SH3KBP1: variants seen among roughly 807,000 people sequenced by gnomAD.
SH3KBP1 encodes SH3 domain-containing kinase-binding protein 1.
SH3KBP1 carries 8 observed loss-of-function variants against 50.1 expected under a neutral mutation model. The observed-to-expected ratio is 0.16, with a 90% CI of 0.09 to 0.29. The LOEUF (loss-of-function observed/expected upper bound fraction) is 0.29. Among genes scored for constraint, SH3KBP1 ranks in the 10% least tolerant of loss-of-function variants. The pLI, the probability that SH3KBP1 is intolerant of heterozygous loss-of-function variation, is 1.00. For missense variants in SH3KBP1, 377 were observed against 535.2 expected (o/e 0.70, Z 2.92); for synonymous variants, 227 against 218.6 (o/e 1.04, Z -0.34).
intron 8 of SH3KBP1, among the ~76,000 whole-genome samples, chrX:19,619,052 G>A (rs1056080894): frequency 4.5e-5 from 5 of 110,270 alleles, no homozygotes; most frequent in Non-Finnish European, 9.5e-5. Flanking sequence ...GAGGAGGGCA[G>A]ATCACCTGAG....
intron 1 of SH3KBP1, among the ~76,000 whole-genome samples, chrX:19,863,953 G>A (rs1024808352): frequency 1.8e-5 from 2 of 111,289 alleles, no homozygotes; most frequent in African/African-American, 6.5e-5. Context: ...GGGCAGACTC[G>A]TCTATCATTT....
intron 14 of SH3KBP1, 43 bp from the exon 15 acceptor site, chrX:19,546,093 T>C (rs375852568): frequency 8.4e-7 from 1 of 1,191,453 alleles, no homozygotes. Flanking sequence ...AATTACACCT[T>C]AGCTGACACC....
intron 2 of SH3KBP1, among the ~76,000 whole-genome samples, chrX:19,792,353 A>T (rs771975968): frequency 1.8e-4 from 20 of 111,260 alleles, no homozygotes; most frequent in Non-Finnish European, 3.6e-4. Context: ...CAAAATATGA[A>T]CCATGGTTAT....
chrX:19,720,521 G>A (rs2064028056), intron 3 of SH3KBP1, among the ~76,000 whole-genome samples: 1 of 112,372 alleles, frequency 8.9e-6, no homozygotes, highest in South Asian at 3.7e-4. Context: ...TCATTCAAGT[G>A]AAATGAGAAT....
At chrX:19,813,126 G>C (rs1413446861) in intron 2 of SH3KBP1, among the ~76,000 whole-genome samples, 4 of 107,805 alleles carry the variant, frequency 3.7e-5, no homozygotes, top group Non-Finnish European at 5.7e-5. Flanking sequence ...CTGGGCAACA[G>C]AGTGAGACCC....
intron 5 of SH3KBP1, among the ~76,000 whole-genome samples, chrX:19,688,432 A>T (rs937802105): frequency 4.5e-5 from 5 of 112,274 alleles, no homozygotes; most frequent in African/African-American, 1.6e-4. Context: ...CTTAAGCATG[A>T]GGACACAGGA....
intron 6 of SH3KBP1, chrX:19,670,236 G>T: frequency 3.3e-6 from 1 of 302,613 alleles, no homozygotes; most frequent in South Asian, 1.7e-4. Context: ...TAAATGCCCC[G>T]CACTACAAAA....
At chrX:19,797,605 C>T (rs1603249976) in intron 2 of SH3KBP1, among the ~76,000 whole-genome samples, 3 of 111,604 alleles carry the variant, frequency 2.7e-5, no homozygotes, top group South Asian at 3.7e-4. Context: ...AATCATCATA[C>T]GCAAAACAAA....
At chrX:19,723,154 A>G (rs2064121310) in intron 3 of SH3KBP1, among the ~76,000 whole-genome samples, 1 of 110,327 alleles carries the variant, frequency 9.1e-6, no homozygotes, top group Non-Finnish European at 1.9e-5. Flanking sequence ...AAAAAAAAAA[A>G]AAAAAAAAAA....
intron 1 of SH3KBP1, among the ~76,000 whole-genome samples, chrX:19,880,299 A>T (rs1401043642): frequency 2.7e-5 from 3 of 112,755 alleles, no homozygotes; most frequent in African/African-American, 9.7e-5. Context: ...CTGGTGGTCC[A>T]TAGTCGTGGA....
chrX:19,609,773 C>T (rs901021674), intron 8 of SH3KBP1, among the ~76,000 whole-genome samples: 2 of 112,024 alleles, frequency 1.8e-5, no homozygotes, highest in South Asian at 7.4e-4. Flanking sequence ...CCATTATACC[C>T]CCAGCCATGT....
At chrX:19,688,434 G>A (rs181894860) in intron 5 of SH3KBP1, among the ~76,000 whole-genome samples, 1 of 112,054 alleles carries the variant, frequency 8.9e-6, no homozygotes, top group East Asian at 2.8e-4. Context: ...TAAGCATGAG[G>A]ACACAGGACT....
chrX:19,838,907 GA>G (rs2068141292), intron 1 of SH3KBP1, among the ~76,000 whole-genome samples: 2 of 92,122 alleles, frequency 2.2e-5, no homozygotes, highest in East Asian at 3.3e-4. Context: ...AAAAAAAAAA[GA>G]AAAAAAGAAA....
intron 2 of SH3KBP1, among the ~76,000 whole-genome samples, chrX:19,782,959 A>C (rs2066227150): frequency 9.0e-6 from 1 of 111,449 alleles, no homozygotes. Context: ...AAAAAACAAC[A>C]ACAAAAATCA....
intron 12 of SH3KBP1, among the ~76,000 whole-genome samples, chrX:19,574,596 A>T (rs2066140741): frequency 1.8e-5 from 2 of 112,306 alleles, no homozygotes; most frequent in South Asian, 7.3e-4. Context: ...GGTTTCTTTT[A>T]TAAAGGCATT....
chrX:19,657,533 A>G (rs1433334039), intron 6 of SH3KBP1, among the ~76,000 whole-genome samples: 1 of 109,826 alleles, frequency 9.1e-6, no homozygotes, highest in Non-Finnish European at 1.9e-5. Context: ...ATCAAGACCA[A>G]CCTGGCCAAC....
intron 9 of SH3KBP1, among the ~76,000 whole-genome samples, chrX:19,597,236 T>C (rs1296646571): frequency 8.9e-6 from 1 of 112,124 alleles, no homozygotes. Flanking sequence ...ATCTGGGCTC[T>C]TGGGTGACCA....
At chrX:19,658,682 AGCCTCCCGAGTAGCT>A (rs1482706940) in intron 6 of SH3KBP1, among the ~76,000 whole-genome samples, 1 of 108,703 alleles carries the variant, frequency 9.2e-6, no homozygotes. Flanking sequence ...CCCGTACCTC[AGCCTCCCGAGTAGCT>A]GCAGGCATCC....
At chrX:19,552,213 A>T (rs2065262433) in intron 13 of SH3KBP1, among the ~76,000 whole-genome samples, 1 of 112,008 alleles carries the variant, frequency 8.9e-6, no homozygotes, top group Non-Finnish European at 1.9e-5. Flanking sequence ...TTTCCAAATC[A>T]TTTCCCCCTC....
Sources: gnomAD v4.1 joint callset for allele counts (sites outside exome capture counted in the v4.1 genomes callset) on GRCh38, gnomAD v4.1.1 for gene constraint, MANE v1.5 for transcripts, NCBI Gene and HGNC (gene_info 2026-07-23, HGNC 2026-07-21) for gene names.